Variants in SLCO3A1 observed in about 807,000 individuals in gnomAD.
SLCO3A1 encodes the protein solute carrier organic anion transporter family member 3A1, also known as PGE1 transporter.
SLCO3A1 carries 27 observed loss-of-function variants against 63.1 expected under a neutral mutation model. That is an observed-to-expected ratio of 0.43 (90% CI 0.32 to 0.59). SLCO3A1 has a LOEUF of 0.59. SLCO3A1 is among the 20% of genes least tolerant of loss of function. SLCO3A1 has a pLI of 0.09. For synonymous variants in SLCO3A1, 473 were observed against 409.9 expected, an observed-to-expected ratio of 1.15 and a Z score of -1.86; for missense variants, 773 against 945.8, an observed-to-expected ratio of 0.82 and a Z score of 2.40.
intron 2 of SLCO3A1, among the ~76,000 whole-genome samples, chr15:91,963,404 A>AGGGC (rs1176735786): frequency 3.2e-4 from 1 of 3,154 alleles, no homozygotes; most frequent in African/African-American, 1.3e-3. Context: ...TAACTCGGGG[A>AGGGC]GGGTGGGGGG....
chr15:91,962,594 A>G (rs971693553), intron 2 of SLCO3A1, among the ~76,000 whole-genome samples: 3 of 151,782 alleles, frequency 2.0e-5, no homozygotes, highest in Admixed American at 6.6e-5. Flanking sequence ...TGAGGAGGGA[A>G]GTGGAGCCGG....
intron 1 of SLCO3A1, among the ~76,000 whole-genome samples, chr15:91,861,042 C>T (rs928123778): frequency 3.3e-5 from 5 of 152,146 alleles, no homozygotes; most frequent in Non-Finnish European, 4.4e-5. Context: ...CCTGTCCTTG[C>T]GAAGGATAGA....
At chr15:92,054,141 G>T (rs1366856806) in intron 2 of SLCO3A1, among the ~76,000 whole-genome samples, 1 of 152,138 alleles carries the variant, frequency 6.6e-6, no homozygotes, top group Non-Finnish European at 1.5e-5. Flanking sequence ...TTGGCCACTG[G>T]GGGCTCCTTC....
chr15:91,932,372 G>A (rs916283708), intron 2 of SLCO3A1, among the ~76,000 whole-genome samples: 2 of 151,912 alleles, frequency 1.3e-5, no homozygotes, highest in African/African-American at 2.4e-5. Context: ...TGCCTTTCTT[G>A]TTTTATCTCT....
chr15:92,072,747 G>T (rs2151516325), intron 2 of SLCO3A1, among the ~76,000 whole-genome samples: 1 of 152,188 alleles, frequency 6.6e-6, no homozygotes, highest in South Asian at 2.1e-4. Context: ...GGCATCCTCT[G>T]CTCCCCTTCT....
At chr15:91,874,481 G>A (rs1293857180) in intron 1 of SLCO3A1, among the ~76,000 whole-genome samples, 3 of 152,116 alleles carry the variant, frequency 2.0e-5, no homozygotes, top group Admixed American at 2.0e-4. Flanking sequence ...CTACCCTAGG[G>A]CCTCATATAC....
At position 91,967,342 on chromosome 15, in the gene SLCO3A1, A is replaced by G. The variant is rs1439098498; in HGVS notation, c.646+50884A>G. 6.6e-6 allele frequency among the ~76,000 whole-genome samples: 1 copy of G among 152,204 alleles called. No homozygotes were observed. The highest frequency in any genetic ancestry group is 1.5e-5 in the Non-Finnish European group (1 of 68,034). On this transcript the variant is annotated intron_variant, in intron 2 of 9. Coordinates refer to ENST00000318445, the MANE Select transcript of SLCO3A1 (RefSeq NM_013272.4). The surrounding 1 kb of genome is among the most constrained non-coding windows in gnomAD (Gnocchi z 4.4). ...TACTGTTTTCTAGATTAACTGCTCT[A>G]CACAGAAATGAACAGCAGTATAGAT... is the stretch of plus-strand genomic sequence containing the variant.
intron 2 of SLCO3A1, among the ~76,000 whole-genome samples, chr15:92,090,450 G>T (rs111984318): frequency 7.9e-5 from 12 of 152,334 alleles, no homozygotes; most frequent in Non-Finnish European, 1.5e-4. Context: ...AGATCACCAT[G>T]CAGGGGAGCA....
At chr15:92,038,718 C>T (rs1227224808) in intron 2 of SLCO3A1, among the ~76,000 whole-genome samples, 2 of 152,152 alleles carry the variant, frequency 1.3e-5, no homozygotes, top group Non-Finnish European at 2.9e-5. Flanking sequence ...CATCAAACTA[C>T]CATGGATATT....
intron 2 of SLCO3A1, among the ~76,000 whole-genome samples, chr15:92,032,711 G>A (rs943701337): frequency 1.1e-4 from 16 of 152,166 alleles, no homozygotes; most frequent in African/African-American, 3.1e-4. Flanking sequence ...CATCGAAGGC[G>A]GTTGCGATGC....
At chr15:91,932,086 G>A (rs1325279232) in intron 2 of SLCO3A1, among the ~76,000 whole-genome samples, 1 of 152,050 alleles carries the variant, frequency 6.6e-6, no homozygotes, top group Non-Finnish European at 1.5e-5. Context: ...GCTCACTGTT[G>A]CCTTTATGAT....
At chr15:92,134,962 TA>T (rs144046499) in intron 7 of SLCO3A1, among the ~76,000 whole-genome samples, 2 of 151,652 alleles carry the variant, frequency 1.3e-5, no homozygotes, top group Non-Finnish European at 2.9e-5. Flanking sequence ...TGAAAAGATG[TA>T]AAAAAAATTA....
chr15:92,008,582 AT>A (rs1330213861), intron 2 of SLCO3A1, among the ~76,000 whole-genome samples: 3 of 152,180 alleles, frequency 2.0e-5, no homozygotes, highest in Non-Finnish European at 1.5e-5. Flanking sequence ...ATCTAGATTC[AT>A]TTTTACAGGT....
At chr15:91,925,135 ATTG>A (rs1392925040) in intron 2 of SLCO3A1, among the ~76,000 whole-genome samples, 1 of 152,242 alleles carries the variant, frequency 6.6e-6, no homozygotes, top group Non-Finnish European at 1.5e-5. Context: ...TGGCACAGGT[ATTG>A]TTCTTAAAAA....
intron 2 of SLCO3A1, among the ~76,000 whole-genome samples, chr15:92,078,303 A>G (rs1197326487): frequency 6.6e-6 from 1 of 152,208 alleles, no homozygotes; most frequent in Non-Finnish European, 1.5e-5. Context: ...CTTGCCCTTG[A>G]GGCCTGGGCT....
chr15:92,150,794 AAAAAAAGACACTATTAGTAATTTT>A (rs549518625), intron 8 of SLCO3A1, among the ~76,000 whole-genome samples, 132 bp from the exon 9 acceptor site: 110 of 152,288 alleles, frequency 7.2e-4, no homozygotes, highest in African/African-American at 1.9e-3. Context: ...AGGCAGAAAA[AAAAAAAGACACTATTAGTAATTTT>A]AAAAAAGACA....
intron 2 of SLCO3A1, among the ~76,000 whole-genome samples, chr15:91,951,264 C>G (rs933894875): frequency 5.9e-5 from 9 of 151,818 alleles, no homozygotes; most frequent in Admixed American, 5.9e-4. Context: ...TTATCCACTT[C>G]CTGTCTGTGG....
At chr15:91,880,123 G>A (rs71411114) in intron 1 of SLCO3A1, among the ~76,000 whole-genome samples, 17,562 of 108,544 alleles carry the variant, frequency 0.16, 1,511 homozygotes, top group Middle Eastern at 0.25. Context: ...CCGTCCGTCC[G>A]TCCGTCCGTC....
chr15:92,001,213 C>CG (rs1450429008), intron 2 of SLCO3A1, among the ~76,000 whole-genome samples: 17 of 9,024 alleles, frequency 1.9e-3, no homozygotes, highest in African/African-American at 5.0e-3. Context: ...GGTGGGTGGG[C>CG]GGGGGGGAGG....
Sources: allele counts gnomAD v4.1 joint callset (sites outside exome capture counted in the v4.1 genomes callset), GRCh38; gene constraint gnomAD v4.1.1; non-coding constraint Gnocchi (gnomAD v3.1); transcripts MANE v1.5; gene names NCBI Gene and HGNC (gene_info 2026-07-23, HGNC 2026-07-21).